RAVER2: variants seen among roughly 807,000 people sequenced by gnomAD.
The protein encoded by RAVER2 is ribonucleoprotein PTB-binding 2.
A neutral mutation model predicts 78.1 loss-of-function variants in RAVER2; 46 were observed. That is an observed-to-expected ratio of 0.59 (90% CI 0.46 to 0.75). RAVER2 has a LOEUF of 0.75. Among genes scored for constraint, RAVER2 ranks in the 30% least tolerant of loss-of-function variants. The pLI is 0.00. For missense variants in RAVER2, 793 were observed against 837.5 expected, an observed-to-expected ratio of 0.95 and a Z score of 0.66; for synonymous variants, 311 against 313.3, an observed-to-expected ratio of 0.99 and a Z score of 0.08.
chr1:64,757,427 A>G (rs1011199151), intron 1 of RAVER2, among the ~76,000 whole-genome samples: 1 of 152,224 alleles, frequency 6.6e-6, no homozygotes, highest in Non-Finnish European at 1.5e-5. Flanking sequence ...ATAAGAAGAG[A>G]TAGCAGAGAA....
At chr1:64,758,569 G>A (rs1172388738) in intron 1 of RAVER2, among the ~76,000 whole-genome samples, 19 of 152,154 alleles carry the variant, frequency 1.2e-4, no homozygotes, top group Admixed American at 1.1e-3. Context: ...GCAGTTTCTA[G>A]GAGCTGAGAG....
chr1:64,831,557 A>G (rs1048007), exon 12 of RAVER2: 81,283 of 152,052 alleles, frequency 0.53, 25,012 homozygotes, highest in African/African-American at 0.85. Flanking sequence ...TGACAGTGAT[A>G]TCCAAGGTAT....
intron 5 of RAVER2, among the ~76,000 whole-genome samples, chr1:64,791,757 G>A (rs1469234366): frequency 1.3e-5 from 2 of 152,162 alleles, no homozygotes; most frequent in Non-Finnish European, 2.9e-5. Context: ...TGGTTTGACA[G>A]TTTCAGTTAC....
At chr1:64,783,973 G>T (rs1453808098) in intron 4 of RAVER2, among the ~76,000 whole-genome samples, 1 of 152,222 alleles carries the variant, frequency 6.6e-6, no homozygotes, top group Non-Finnish European at 1.5e-5. Flanking sequence ...ATGCAATGTA[G>T]TTTCTCCTCC....
chr1:64,807,968 GCTTT>G (rs1653491079), intron 9 of RAVER2, among the ~76,000 whole-genome samples: 1 of 152,062 alleles, frequency 6.6e-6, no homozygotes, highest in Non-Finnish European at 1.5e-5. Context: ...TATTTGTAAG[GCTTT>G]CTAAGTACAT....
intron 1 of RAVER2, among the ~76,000 whole-genome samples, chr1:64,753,374 T>G (rs1247764057): frequency 6.6e-6 from 1 of 152,072 alleles, no homozygotes; most frequent in Non-Finnish European, 1.5e-5. Context: ...AAAAATATTT[T>G]TGTTTCAAAG....
exon 12 of RAVER2, chr1:64,833,136 C>T (rs1237107061): frequency 1.1e-5 from 2 of 184,336 alleles, no homozygotes; most frequent in Non-Finnish European, 2.3e-5. Context: ...CCACCCCTTC[C>T]TCCCCCCAAA....
chr1:64,769,622 A>T (rs1652261765), intron 2 of RAVER2, among the ~76,000 whole-genome samples: 1 of 152,034 alleles, frequency 6.6e-6, no homozygotes, highest in African/African-American at 2.4e-5. Flanking sequence ...CAGGTGAAAG[A>T]TTTCAGAGCC....
intron 10 of RAVER2, among the ~76,000 whole-genome samples, chr1:64,813,089 A>G (rs1653664473): frequency 3.9e-5 from 6 of 152,224 alleles, no homozygotes; most frequent in Admixed American, 3.9e-4. Flanking sequence ...GTTTAAACCT[A>G]TAAGTAATCT....
chr1:64,807,791 C>T (rs995442455), intron 9 of RAVER2, among the ~76,000 whole-genome samples: 1 of 151,950 alleles, frequency 6.6e-6, no homozygotes, highest in Non-Finnish European at 1.5e-5. Flanking sequence ...AATGTGGATT[C>T]TTTATTCCTT....
At chr1:64,800,116 GT>G (rs1371585711) in intron 5 of RAVER2, among the ~76,000 whole-genome samples, 1 of 143,564 alleles carries the variant, frequency 7.0e-6, no homozygotes, top group Non-Finnish European at 1.5e-5. Flanking sequence ...TATTTGGGGT[GT>G]TTTTTTGTTT....
chr1:64,787,327 T>C (rs188440290), intron 4 of RAVER2, among the ~76,000 whole-genome samples: 46 of 152,276 alleles, frequency 3.0e-4, no homozygotes, highest in African/African-American at 1.1e-3. Flanking sequence ...TGTCACTGTT[T>C]AGAGGTTGTG....
At chr1:64,778,723 A>T (rs1343620085) in intron 3 of RAVER2, among the ~76,000 whole-genome samples, 2 of 149,244 alleles carry the variant, frequency 1.3e-5, no homozygotes, top group African/African-American at 2.4e-5. Flanking sequence ...ACTATATATA[A>T]CACTTTTCCT....
exon 6 of RAVER2, chr1:64,803,009 T>A: frequency 1.2e-6 from 2 of 1,610,538 alleles, no homozygotes. Flanking sequence ...TTGCCACATC[T>A]GATGAATCCA....
intron 1 of RAVER2, among the ~76,000 whole-genome samples, chr1:64,753,792 G>T (rs1404627176): frequency 6.6e-6 from 1 of 152,102 alleles, no homozygotes; most frequent in Admixed American, 6.5e-5. Context: ...AAAGTGCTGG[G>T]ATTACAGGCG....
In RAVER2 at chr1:64,745,477, G is replaced by T; in HGVS notation, c.249+56G>T. The T allele has an allele frequency of 6.8e-7, 1 of 1,466,654 alleles. No individual in the cohort carries two copies. The highest frequency in any genetic ancestry group is 9.1e-7 in the Non-Finnish European group (1 of 1,097,044). 90.9% of individuals were successfully genotyped at this position (1,466,654 alleles called of 1,614,324 possible). A position where few individuals can be genotyped will look rare whatever the true frequency, so the allele number is the denominator to read the frequency against. ...CCGAGGGGCGGCGGGGCGGCGCTCC[G>T]TGTCCAGGCTGGGATCGGGGGCGCC... On this transcript the variant is annotated intron_variant, in intron 1 of 11. Transcript: ENST00000294428. The surrounding 1 kb of genome is among the most constrained non-coding windows in gnomAD (Gnocchi z 4.3).
Position 64,745,172 on chromosome 1 carries a change from G to C in RAVER2, c.-1G>C. On this transcript the variant is annotated 5_prime_UTR_variant, in exon 1 of 12. Transcript: ENST00000294428. This position sits in a 1 kb window ranked among gnomAD's most constrained non-coding sequence, Gnocchi z 4.3. Reference sequence around the variant, plus strand: ...TCCGCAGCCGCTGGGCGCCCGGGAAGATGGCGGCGGCGGCGGGAGACGGCG... The same window carrying C: ...TCCGCAGCCGCTGGGCGCCCGGGAACATGGCGGCGGCGGCGGGAGACGGCG... 9.8e-7 allele frequency: 1 copy of C among 1,018,406 alleles called. No individual in the cohort carries two copies. The highest frequency in any genetic ancestry group is 1.2e-6 in the Non-Finnish European group (1 of 853,308). 63.1% of individuals were successfully genotyped at this position (1,018,406 alleles called of 1,614,324 possible).
intron 2 of RAVER2, among the ~76,000 whole-genome samples, chr1:64,775,123 CAG>C (rs1486540074): frequency 2.0e-5 from 3 of 152,240 alleles, no homozygotes; most frequent in African/African-American, 7.2e-5. Context: ...CATCTGCAAA[CAG>C]AGAGAATTTG....
intron 1 of RAVER2, among the ~76,000 whole-genome samples, chr1:64,747,035 TTCTG>T (rs1651559164): frequency 6.6e-6 from 1 of 152,232 alleles, no homozygotes; most frequent in African/African-American, 2.4e-5. Context: ...ATTGAAGACG[TTCTG>T]TCTATTCTTG....
Sources: allele counts gnomAD v4.1 joint callset (sites outside exome capture counted in the v4.1 genomes callset), GRCh38; gene constraint gnomAD v4.1.1; non-coding constraint Gnocchi (gnomAD v3.1); transcripts MANE v1.5; gene names NCBI Gene and HGNC (gene_info 2026-07-23, HGNC 2026-07-21).